Variants in VTI1A observed in about 807,000 individuals in gnomAD.
VTI1A encodes the protein vesicle transport through interaction with t-SNAREs 1A.
Under a neutral mutation model 34.9 loss-of-function variants are expected in VTI1A, and 22 were observed. That is an observed-to-expected ratio of 0.63 (90% CI 0.45 to 0.90). The LOEUF (loss-of-function observed/expected upper bound fraction) is 0.90. VTI1A is among the 40% of genes least tolerant of loss of function. The probability of loss-of-function intolerance (pLI) is 0.00; values close to 1 mark genes in which losing one functional copy is unlikely to be tolerated. For synonymous variants in VTI1A, 87 were observed against 97.3 expected (o/e 0.89, Z 0.62); for missense variants, 268 against 275.6 (o/e 0.97, Z 0.20).
intron 4 of VTI1A, 129 bp from the exon 5 acceptor site, chr10:112,538,117 A>G (rs1850715634): frequency 1.7e-5 from 12 of 696,732 alleles, no homozygotes; most frequent in Non-Finnish European, 2.9e-5. Context: ...TTTGCTAAAA[A>G]TTAACTGTAA....
At chr10:112,619,203 G>A (rs1383306980) in intron 5 of VTI1A, among the ~76,000 whole-genome samples, 5 of 151,964 alleles carry the variant, frequency 3.3e-5, no homozygotes, top group East Asian at 1.9e-4. Context: ...AAGTATATGC[G>A]TGGTCCGAGC....
chr10:112,603,443 G>A (rs1467672179), intron 5 of VTI1A, among the ~76,000 whole-genome samples: 3 of 152,030 alleles, frequency 2.0e-5, no homozygotes, highest in African/African-American at 7.2e-5. Flanking sequence ...GAGTAGAAAA[G>A]TCATTATTTA....
At chr10:112,843,593 G>T in the VTI1A span, among the ~76,000 whole-genome samples, 2 of 152,190 alleles carry the variant, frequency 1.3e-5, no homozygotes, top group Admixed American at 1.3e-4. Context: ...CATATACGTT[G>T]TAACCATCTA....
chr10:112,508,846 C>T (rs933921656), intron 3 of VTI1A, among the ~76,000 whole-genome samples: 1 of 152,110 alleles, frequency 6.6e-6, no homozygotes, highest in Non-Finnish European at 1.5e-5. Context: ...TGAATGGGAA[C>T]GTAAATCCTC....
At chr10:112,546,032 G>GCA (rs1851090038) in intron 5 of VTI1A, among the ~76,000 whole-genome samples, 1 of 145,676 alleles carries the variant, frequency 6.9e-6, no homozygotes, top group African/African-American at 2.6e-5. Context: ...GTGTATACGC[G>GCA]TATGTGTGTG....
intron 7 of VTI1A, chr10:112,736,714 T>C (rs1242231523): frequency 6.4e-7 from 1 of 1,551,802 alleles, no homozygotes; most frequent in Non-Finnish European, 8.7e-7. Flanking sequence ...TTCTCTTCAC[T>C]GTTCACAGGG....
At chr10:112,526,993 C>G in intron 3 of VTI1A, 94 bp from the exon 4 acceptor site, 1 of 1,234,552 alleles carries the variant, frequency 8.1e-7, no homozygotes, top group East Asian at 2.4e-5. Flanking sequence ...AGGGGGCTCT[C>G]GAGGTTTGAG....
At chr10:112,787,330 A>G (rs1389185648) in intron 7 of VTI1A, among the ~76,000 whole-genome samples, 1 of 151,068 alleles carries the variant, frequency 6.6e-6, no homozygotes, top group Non-Finnish European at 1.5e-5. Flanking sequence ...AGTTTTGTTG[A>G]TCTTTTTGAG....
chr10:112,514,152 G>T (rs1849699621), intron 3 of VTI1A, among the ~76,000 whole-genome samples: 1 of 151,762 alleles, frequency 6.6e-6, no homozygotes, highest in Non-Finnish European at 1.5e-5. Context: ...AATTTTCTTT[G>T]TTGGGAGACT....
At chr10:112,599,736 C>A (rs376512391) in intron 5 of VTI1A, among the ~76,000 whole-genome samples, 4 of 152,072 alleles carry the variant, frequency 2.6e-5, no homozygotes, top group African/African-American at 9.7e-5. Flanking sequence ...CATACCATTC[C>A]GTCCAGCTAA....
chr10:112,766,393 G>C (rs964072253), intron 7 of VTI1A, among the ~76,000 whole-genome samples: 1 of 152,176 alleles, frequency 6.6e-6, no homozygotes, highest in African/African-American at 2.4e-5. Context: ...ATTCAGTTAA[G>C]AGCTGTGTAT....
chr10:112,676,258 C>T (rs746009779), intron 7 of VTI1A, among the ~76,000 whole-genome samples: 3 of 152,022 alleles, frequency 2.0e-5, no homozygotes, highest in Non-Finnish European at 2.9e-5. Context: ...CATGGCGCCA[C>T]CATTCCCCCT....
At chr10:112,707,760 T>A (rs973850760) in intron 7 of VTI1A, among the ~76,000 whole-genome samples, 1 of 152,242 alleles carries the variant, frequency 6.6e-6, no homozygotes, top group African/African-American at 2.4e-5. Context: ...TTACTTTGCA[T>A]AAAAATTTTA....
intron 6 of VTI1A, 39 bp downstream of exon 6, chr10:112,668,327 A>C: frequency 1.3e-6 from 2 of 1,595,434 alleles, no homozygotes; most frequent in Middle Eastern, 1.7e-4. Context: ...ATATTCAGTA[A>C]ATGAAGACAT....
In VTI1A at chr10:112,463,520, A is replaced by G. The variant is rs562705385; in HGVS notation, c.154-1027A>G. 2.6e-5 allele frequency among the ~76,000 whole-genome samples: 4 copies of G among 152,292 alleles called. No homozygotes were observed. The South Asian group carries it at 8.3e-4, about 32-fold the overall frequency. ...GTAGTAGAGCCTATGATGTCAACGTAAGAGTCTGGCTTCAAAGCCTATGCC... is the reference window on the plus strand; with the variant it reads ...GTAGTAGAGCCTATGATGTCAACGTGAGAGTCTGGCTTCAAAGCCTATGCC... On this transcript the variant is annotated intron_variant, in intron 2 of 7. Coordinates refer to ENST00000393077, the MANE Select transcript of VTI1A (RefSeq NM_145206.4).
chr10:112,531,118 CGCGCGCGCAT>C (rs1850423430), intron 4 of VTI1A, among the ~76,000 whole-genome samples: 7 of 150,340 alleles, frequency 4.7e-5, no homozygotes, highest in Admixed American at 3.3e-4. Flanking sequence ...CGCACGTGCG[CGCGCGCGCAT>C]GAACCCTCAC....
intron 3 of VTI1A, among the ~76,000 whole-genome samples, chr10:112,513,732 T>A: frequency 1.2e-3 from 1 of 858 alleles, no homozygotes; most frequent in Middle Eastern, 0.25. Context: ...TCTGTTGAGG[T>A]TTTTTTATTA....
chr10:112,546,078 G>A lies in VTI1A; in HGVS notation c.427+7748G>A, dbSNP rs143509386. ...TATACGCGTATGTGTGTGTATATAC[G>A]TGTATACGCGTATGTGTGTATATAC... On this transcript the variant is annotated intron_variant, in intron 5 of 7. Coordinates refer to ENST00000393077, the MANE Select transcript of VTI1A (RefSeq NM_145206.4). 9.7e-3 allele frequency among the ~76,000 whole-genome samples: 1,436 copies of A among 148,612 alleles called. 31 individuals are homozygous for A. Among genetic ancestry groups the A allele is most frequent in the Non-Finnish European group, 0.015 (968 of 66,698 alleles).
At chr10:112,720,150 A>G (rs957490808) in intron 7 of VTI1A, among the ~76,000 whole-genome samples, 4 of 152,226 alleles carry the variant, frequency 2.6e-5, no homozygotes, top group South Asian at 2.1e-4. Context: ...TTTGAATATT[A>G]TGAACAATGC....
Sources: allele counts gnomAD v4.1 joint callset (sites outside exome capture counted in the v4.1 genomes callset), GRCh38; gene constraint gnomAD v4.1.1; transcripts MANE v1.5; gene names NCBI Gene and HGNC (gene_info 2026-07-23, HGNC 2026-07-21).